PKHD1: variants seen among roughly 807,000 people sequenced by gnomAD.
The protein encoded by PKHD1 is fibrocystin.
Under a neutral mutation model 412.0 loss-of-function variants are expected in PKHD1, and 291 were observed. That is an observed-to-expected ratio of 0.71 (90% CI 0.64 to 0.78). PKHD1 has a LOEUF of 0.78. Among genes scored for constraint, PKHD1 ranks in the 30% least tolerant of loss-of-function variants. PKHD1 has a pLI of 0.00. For missense variants in PKHD1, 4,825 were observed against 4,950.7 expected (o/e 0.97, Z 0.76); for synonymous variants, 1,777 against 1,821.5 (o/e 0.98, Z 0.62).
intron 36 of PKHD1, among the ~76,000 whole-genome samples, chr6:51,939,471 C>A (rs1788118580): frequency 6.6e-6 from 1 of 151,460 alleles, no homozygotes; most frequent in Admixed American, 6.6e-5. Flanking sequence ...AAAACCTCTT[C>A]AACTCACACC....
rs750130747 is a variant in PKHD1, at chr6:51,619,219, C to T, written c.12087G>A (p.Gln4029=). ...LLCPDFRQER[Q]QLPGQSRLSK... ...TCAGCCGACTTTGCCCTGGCAACTG[C>T]TGCCTCTCTTGTCTGAAGTCTGGGC... Residue 4029 remains glutamine, a synonymous_variant, in exon 67 of 67, where the codon CAG becomes CAA. Transcript: ENST00000371117. 24 of 1,614,278 alleles carry T rather than the reference C, an allele frequency of 1.5e-5. No individual in the cohort carries two copies. In the Admixed American group the frequency reaches 4.0e-4, roughly 27 times the overall value.
At chr6:51,982,181 G>A (rs1226808105) in intron 35 of PKHD1, among the ~76,000 whole-genome samples, 29 of 38,456 alleles carry the variant, frequency 7.5e-4, no homozygotes, top group African/African-American at 1.1e-3. Context: ...GTCCGGGAGG[G>A]AGGTGGGGGG....
rs768985261 is a variant in PKHD1, at chr6:52,050,162, A to G, written c.2274T>C (p.Thr758=). The G allele has an allele frequency of 6.2e-7, 1 of 1,614,112 alleles. No homozygotes were observed. Among genetic ancestry groups the G allele is most frequent in the Admixed American group, 1.7e-5 (1 of 60,030 alleles). Residue 758 remains threonine (T), a synonymous_variant, in exon 22 of 67, where the codon ACT becomes ACC. Coordinates refer to ENST00000371117, the MANE Select transcript of PKHD1 (RefSeq NM_138694.4). ...AGCGTELPLI[T]ARSVPTEGTE... Reference sequence around the variant, plus strand: ...GTAAAAAAGCCACTCCTTACCGTGCAGTGATGAGCGGGAGCTCCGTGCCAC... The same window carrying G: ...GTAAAAAAGCCACTCCTTACCGTGCGGTGATGAGCGGGAGCTCCGTGCCAC...
intron 52 of PKHD1, among the ~76,000 whole-genome samples, chr6:51,815,512 G>A (rs1415203465): frequency 6.6e-6 from 1 of 152,110 alleles, no homozygotes; most frequent in Non-Finnish European, 1.5e-5. Context: ...AAAAGTTACA[G>A]GTAGTAAGAA....
intron 36 of PKHD1, among the ~76,000 whole-genome samples, chr6:51,957,744 T>A (rs1247552534): frequency 6.6e-6 from 1 of 152,094 alleles, no homozygotes; most frequent in Non-Finnish European, 1.5e-5. Context: ...TTTGTGTATA[T>A]GTTAATATCT....
At chr6:51,889,435 T>C (rs1778763269) in intron 43 of PKHD1, among the ~76,000 whole-genome samples, 1 of 151,986 alleles carries the variant, frequency 6.6e-6, no homozygotes, top group Non-Finnish European at 1.5e-5. Flanking sequence ...CCTGGTAGAG[T>C]TGTCATATTT....
chr6:52,048,399 A>T (rs1000616588), intron 23 of PKHD1, 93 bp downstream of exon 23: 5 of 1,190,572 alleles, frequency 4.2e-6, no homozygotes, highest in Non-Finnish European at 6.3e-6. Context: ...TAATATTATC[A>T]CCTGTCTGAC....
At chr6:51,749,104 C>T (rs1461830469) in intron 57 of PKHD1, among the ~76,000 whole-genome samples, 1 of 152,194 alleles carries the variant, frequency 6.6e-6, no homozygotes, top group African/African-American at 2.4e-5. Flanking sequence ...CCCAAGAAGA[C>T]ACTGCACAAA....
intron 47 of PKHD1, among the ~76,000 whole-genome samples, chr6:51,870,060 A>C (rs971263261): frequency 2.6e-5 from 4 of 152,168 alleles, no homozygotes; most frequent in African/African-American, 4.8e-5. Context: ...GACTGTTGAA[A>C]ACATTAAGTA....
At chr6:51,960,271 T>A (rs1791809976) in intron 35 of PKHD1, among the ~76,000 whole-genome samples, 1 of 152,122 alleles carries the variant, frequency 6.6e-6, no homozygotes, top group Non-Finnish European at 1.5e-5. Flanking sequence ...GGAAAAAACA[T>A]GAGAGGCAAA....
chr6:51,863,451 CAAT>C (rs1291220308), intron 48 of PKHD1, among the ~76,000 whole-genome samples: 13 of 152,102 alleles, frequency 8.5e-5, no homozygotes, highest in East Asian at 3.9e-4. Flanking sequence ...CTGTAAACAA[CAAT>C]GACAAAAATT....
chr6:51,789,742 A>G (rs1298563811), intron 53 of PKHD1, among the ~76,000 whole-genome samples: 1 of 152,198 alleles, frequency 6.6e-6, no homozygotes, highest in East Asian at 1.9e-4. Context: ...ACTAAAAAGA[A>G]ATACTTAAAA....
intron 60 of PKHD1, among the ~76,000 whole-genome samples, chr6:51,686,616 C>G (rs1777475595): frequency 6.6e-6 from 1 of 152,104 alleles, no homozygotes; most frequent in South Asian, 2.1e-4. Flanking sequence ...AGAGAATTTA[C>G]TTATTTATTA....
intron 28 of PKHD1, 55 bp from the exon 29 acceptor site, chr6:52,033,220 CTT>C: frequency 7.2e-7 from 1 of 1,387,668 alleles, no homozygotes; most frequent in African/African-American, 1.4e-5. Flanking sequence ...GTAGGACTGA[CTT>C]AAGGGAAGAG....
At chr6:51,777,178 C>A (rs1006746052) in intron 53 of PKHD1, among the ~76,000 whole-genome samples, 2 of 152,110 alleles carry the variant, frequency 1.3e-5, no homozygotes, top group Non-Finnish European at 2.9e-5. Context: ...AGTAAACTTA[C>A]AATTGCCTGG....
intron 23 of PKHD1, 81 bp downstream of exon 23, chr6:52,048,411 A>G (rs1422910487): frequency 2.2e-6 from 3 of 1,339,810 alleles, no homozygotes; most frequent in South Asian, 1.2e-5. Flanking sequence ...CTGTCTGACA[A>G]CCTCCCAGGA....
chr6:51,656,663 CTTT>C (rs5876230), intron 61 of PKHD1, among the ~76,000 whole-genome samples: 1 of 142,078 alleles, frequency 7.0e-6, no homozygotes, highest in Non-Finnish European at 1.5e-5. Flanking sequence ...GCTTTTCTTT[CTTT>C]TTTTTTTTTT....
intron 37 of PKHD1, among the ~76,000 whole-genome samples, chr6:51,919,432 T>C (rs1017930385): frequency 1.5e-4 from 23 of 152,202 alleles, no homozygotes; most frequent in Non-Finnish European, 2.2e-4. Flanking sequence ...AAAGATCAGA[T>C]GGTTGTAGAT....
chr6:51,790,630 T>C (rs1430235640), intron 53 of PKHD1, among the ~76,000 whole-genome samples: 1 of 152,196 alleles, frequency 6.6e-6, no homozygotes, highest in African/African-American at 2.4e-5. Flanking sequence ...CTAATAAGGC[T>C]TCTCTCAAGA....
Sources: allele counts gnomAD v4.1 joint callset (sites outside exome capture counted in the v4.1 genomes callset), GRCh38; gene constraint gnomAD v4.1.1; transcripts MANE v1.5; gene names NCBI Gene and HGNC (gene_info 2026-07-23, HGNC 2026-07-21).